Variants in CACNA2D3 observed in about 807,000 individuals in gnomAD.
CACNA2D3 encodes calcium voltage-gated channel auxiliary subunit alpha2delta 3.
A neutral mutation model predicts 160.6 loss-of-function variants in CACNA2D3; 60 were observed. The observed-to-expected ratio is 0.37, with a 90% CI of 0.30 to 0.46. The LOEUF (loss-of-function observed/expected upper bound fraction) is 0.46, where lower values mean the gene tolerates loss of function less well. Among genes scored for constraint, CACNA2D3 ranks in the 20% least tolerant of loss-of-function variants. The probability of loss-of-function intolerance (pLI) is 1.00; values close to 1 mark genes in which losing one functional copy is unlikely to be tolerated. For missense variants in CACNA2D3, 1,205 were observed against 1,365.0 expected (o/e 0.88, Z 1.85); for synonymous variants, 558 against 492.9 (o/e 1.13, Z -1.75).
At chr3:54,950,388 C>G (rs1193250564) in intron 27 of CACNA2D3, among the ~76,000 whole-genome samples, 1 of 152,230 alleles carries the variant, frequency 6.6e-6, no homozygotes, top group Non-Finnish European at 1.5e-5. Flanking sequence ...CTCTTTTACT[C>G]TTTGCAACCC....
intron 3 of CACNA2D3, among the ~76,000 whole-genome samples, chr3:54,379,137 TGTTTTCTCTA>T (rs1699058873): frequency 6.6e-6 from 1 of 152,216 alleles, no homozygotes; most frequent in South Asian, 2.1e-4. Flanking sequence ...ATGCACGATG[TGTTTTCTCTA>T]TTGTTCTGTT....
intron 2 of CACNA2D3, among the ~76,000 whole-genome samples, chr3:54,239,548 G>A (rs1701940302): frequency 6.6e-6 from 1 of 152,218 alleles, no homozygotes; most frequent in South Asian, 2.1e-4. Flanking sequence ...GCCACATGAG[G>A]TGTCCAAGCC....
chr3:54,793,599 G>A (rs1702805958), intron 13 of CACNA2D3, among the ~76,000 whole-genome samples: 2 of 152,152 alleles, frequency 1.3e-5, no homozygotes, highest in Non-Finnish European at 2.9e-5. Flanking sequence ...TGGGGCAAAA[G>A]CCTCTTACAG....
In CACNA2D3 at chr3:54,677,702, AC is replaced by A. The variant is rs1412874327; in HGVS notation, c.1167+35462del. ...TCATGTTTTATTATCATGAAATATT[AC>A]TATCTTTGCCCCAGTTGATTCATTA... On this transcript the variant is annotated intron_variant, in intron 11 of 37. Transcript: ENST00000474759. 2.0e-5 allele frequency among the ~76,000 whole-genome samples: 3 copies of A among 151,984 alleles called. No homozygotes were observed. The East Asian group carries it at 5.8e-4, about 29-fold the overall frequency.
intron 13 of CACNA2D3, among the ~76,000 whole-genome samples, chr3:54,813,126 C>T (rs1330741106): frequency 1.2e-4 from 18 of 152,186 alleles, no homozygotes; most frequent in Non-Finnish European, 2.6e-4. Context: ...CAGCACACCA[C>T]AACTTTTTTC....
chr3:54,307,044 G>A (rs926374902), intron 2 of CACNA2D3, among the ~76,000 whole-genome samples: 11 of 152,130 alleles, frequency 7.2e-5, no homozygotes, highest in Non-Finnish European at 5.9e-5. Context: ...AAGCTCTGCC[G>A]TCTGATGCCG....
intron 2 of CACNA2D3, among the ~76,000 whole-genome samples, chr3:54,236,403 T>C (rs949887316): frequency 6.6e-6 from 1 of 152,178 alleles, no homozygotes; most frequent in Admixed American, 6.5e-5. Flanking sequence ...GCGTGCGACA[T>C]ATGGAAACTC....
intron 17 of CACNA2D3, among the ~76,000 whole-genome samples, chr3:54,853,116 C>T (rs1320911019): frequency 6.6e-6 from 1 of 152,144 alleles, no homozygotes; most frequent in African/African-American, 2.4e-5. Flanking sequence ...ATTTTCTCAT[C>T]CTCCACTTCT....
Position 54,816,861 on chromosome 3 carries a change from G to A in CACNA2D3, c.1389G>A (p.Gln463=). 1 of 1,613,546 alleles carries A rather than the reference G, an allele frequency of 6.2e-7. No individual in the cohort carries two copies. The highest frequency in any genetic ancestry group is 8.5e-7 in the Non-Finnish European group (1 of 1,179,796). ...TEAYIDSTLP[Q]AQKLTDDQGP... ...TTGTTTTCCCCCTTCAGCTCCCTCA[G>A]GCACAAAAGGTAAATTCTCTTCTGT... The change falls in exon 14 of 38, where the codon CAG becomes CAA. Residue 463 remains glutamine, a synonymous_variant. Transcript: ENST00000474759.
chr3:54,511,684 G>A (rs1416211607), intron 5 of CACNA2D3, among the ~76,000 whole-genome samples: 1 of 152,134 alleles, frequency 6.6e-6, no homozygotes, highest in East Asian at 1.9e-4. Flanking sequence ...AATTCTGAAA[G>A]GTGGTACCAG....
intron 2 of CACNA2D3, among the ~76,000 whole-genome samples, chr3:54,162,576 G>A (rs1256492451): frequency 6.6e-6 from 1 of 152,136 alleles, no homozygotes; most frequent in Non-Finnish European, 1.5e-5. Context: ...TCCTGGTTGA[G>A]TCTGTAAAAT....
intron 3 of CACNA2D3, among the ~76,000 whole-genome samples, chr3:54,364,042 T>C (rs1698788330): frequency 6.6e-6 from 1 of 152,148 alleles, no homozygotes; most frequent in Non-Finnish European, 1.5e-5. Context: ...ACATGATTGA[T>C]TAGAACATTA....
intron 13 of CACNA2D3, among the ~76,000 whole-genome samples, chr3:54,802,986 T>C (rs553139137): frequency 7.9e-4 from 120 of 152,286 alleles, no homozygotes; most frequent in African/African-American, 2.4e-3. Context: ...TCAACAGACA[T>C]GCAGCTGAGG....
chr3:54,640,063 T>G (rs1465454370), intron 10 of CACNA2D3, among the ~76,000 whole-genome samples: 3 of 152,078 alleles, frequency 2.0e-5, no homozygotes, highest in African/African-American at 7.2e-5. Context: ...TTACACTTCT[T>G]TTGTGGTGGA....
At chr3:54,668,583 G>A (rs563440336) in intron 11 of CACNA2D3, among the ~76,000 whole-genome samples, 10 of 149,822 alleles carry the variant, frequency 6.7e-5, no homozygotes, top group African/African-American at 2.2e-4. Context: ...TTGTATCGGG[G>A]AGTTCTTAGT....
intron 27 of CACNA2D3, among the ~76,000 whole-genome samples, chr3:54,950,186 T>A (rs760913803): frequency 1.4e-4 from 22 of 152,220 alleles, no homozygotes; most frequent in Non-Finnish European, 2.9e-4. Flanking sequence ...CCGAGGTAGC[T>A]TTCTTGTTTT....
chr3:55,067,485 G>A (rs537884722), intron 35 of CACNA2D3, among the ~76,000 whole-genome samples: 16 of 152,104 alleles, frequency 1.1e-4, no homozygotes, highest in Non-Finnish European at 1.5e-4. Flanking sequence ...ACTTATCCTC[G>A]TTGAGTTTCA....
rs1700474934 is a variant in CACNA2D3, at chr3:54,687,140, T to TG, written c.1167+44899_1167+44900insG. 7.2e-5 allele frequency among the ~76,000 whole-genome samples: 5 copies of TG among 69,684 alleles called. 1 individual carries two copies. The highest frequency in any genetic ancestry group is 1.2e-4 in the African/African-American group (2 of 16,582). 45.7% of individuals were successfully genotyped at this position (69,684 alleles called of 152,430 possible). A position where few individuals can be genotyped will look rare whatever the true frequency, so the allele number is the denominator to read the frequency against. On this transcript the variant is annotated intron_variant, in intron 11 of 37. Transcript: ENST00000474759. ...CTTTTTCTTTTTTTTTTTTTGTTTT[T>TG]TTTTTTTTTTGTTTTTTTGACACTG...
intron 17 of CACNA2D3, among the ~76,000 whole-genome samples, chr3:54,865,446 G>C (rs541858513): frequency 6.6e-6 from 1 of 152,220 alleles, no homozygotes; most frequent in Non-Finnish European, 1.5e-5. Flanking sequence ...CCCCAAGGGA[G>C]TAGGGGCTGA....
Sources: gnomAD v4.1 joint callset for allele counts (sites outside exome capture counted in the v4.1 genomes callset) on GRCh38, gnomAD v4.1.1 for gene constraint, MANE v1.5 for transcripts, NCBI Gene and HGNC (gene_info 2026-07-23, HGNC 2026-07-21) for gene names.